MMP25: variants seen among roughly 807,000 people sequenced by gnomAD.
MMP25 encodes the protein matrix metalloproteinase-25.
A neutral mutation model predicts 62.1 loss-of-function variants in MMP25; 68 were observed. The ratio of observed to expected loss-of-function variants is 1.10; its 90% CI spans 0.90 to 1.34. MMP25 has a LOEUF of 1.34. Among genes scored for constraint, MMP25 ranks in the 40% most tolerant of loss-of-function variants. MMP25 has a pLI of 0.00. For synonymous variants in MMP25, 407 were observed against 345.6 expected (o/e 1.18, Z -1.97); for missense variants, 942 against 792.5 (o/e 1.19, Z -2.26).
intron 4 of MMP25, chr16:3,055,904 G>T (rs757917240): frequency 6.6e-6 from 3 of 455,604 alleles, no homozygotes; most frequent in Admixed American, 4.7e-5. Context: ...GCCGGGGCTG[G>T]CGTGTGAATC....
intron 3 of MMP25, 26 bp from the exon 4 acceptor site, chr16:3,050,228 C>G: frequency 1.3e-6 from 2 of 1,580,024 alleles, no homozygotes. Context: ...CACGGCCACC[C>G]TTACACCTCA....
At position 3,057,219 on chromosome 16, in the gene MMP25, G is replaced by A; in HGVS notation, c.838+10G>A. 6.2e-7 allele frequency: 1 copy of A among 1,613,324 alleles called. No individual in the cohort carries two copies. On this transcript the variant is annotated intron_variant, in intron 5 of 9. Transcript: ENST00000336577. ...CTGCAGCAACTCTATGGTAGGGGGA[G>A]AGGGACCTGCCGCGAAACCATCATT...
At position 3,050,329 on chromosome 16, in the gene MMP25, C is replaced by T. The variant is rs776311943; in HGVS notation, c.444C>T (p.Ala148=). ...VRVLMSYALM[A]WGMESGLTFH... Reference sequence around the variant, plus strand: ...TCCTCATGAGCTATGCCCTGATGGCCTGGGGCATGGAGTCAGGCCTCACAT... The same window carrying T: ...TCCTCATGAGCTATGCCCTGATGGCTTGGGGCATGGAGTCAGGCCTCACAT... The change falls in exon 4 of 10, where the codon GCC becomes GCT. Residue 148 remains alanine, a synonymous_variant. Coordinates refer to ENST00000336577, the MANE Select transcript of MMP25 (RefSeq NM_022468.5). The T allele has an allele frequency of 1.2e-6, 2 of 1,614,004 alleles. No individual in the cohort carries two copies. The highest frequency in any genetic ancestry group is 2.2e-5 in the South Asian group (2 of 91,070).
Position 3,057,592 on chromosome 16 carries a change from G to C in MMP25, c.985G>C (p.Gly329Arg), listed in dbSNP as rs774389844. ...GNFDAIANIR[G>R]ETFFFKGPWF... ...TTTTGACGCCATCGCCAACATCCGA[G>C]GGGAAACTTTCTTCTTCAAAGGTGA... The change falls in exon 7 of 10, where the codon GGG (glycine) becomes CGG (arginine). Residue 329 changes from glycine (G) to arginine (R), a missense_variant. Coordinates refer to ENST00000336577, the MANE Select transcript of MMP25 (RefSeq NM_022468.5). 2.5e-6 allele frequency: 4 copies of C among 1,614,174 alleles called. No individual in the cohort carries two copies. In the Admixed American group the frequency reaches 6.7e-5, roughly 27 times the overall value.
At position 3,059,141 on chromosome 16, in the gene MMP25, GT is replaced by G; in HGVS notation, c.*44del. 2.7e-6 allele frequency: 4 copies of G among 1,477,086 alleles called. No individual in the cohort carries two copies. Among genetic ancestry groups the G allele is most frequent in the Non-Finnish European group, 3.6e-6 (4 of 1,108,138 alleles). 91.5% of individuals were successfully genotyped at this position (1,477,086 alleles called of 1,614,324 possible). Reference sequence around the variant, plus strand: ...ACCGAACAGCGCCCTCCACGGCCGAGTCCCCCGCCGCTGGACCTGGTCGGGG... The same window carrying G: ...ACCGAACAGCGCCCTCCACGGCCGAGCCCCCGCCGCTGGACCTGGTCGGGG... On this transcript the variant is annotated 3_prime_UTR_variant, in exon 10 of 10. Coordinates refer to ENST00000336577, the MANE Select transcript of MMP25 (RefSeq NM_022468.5).
chr16:3,050,791 G>GT (rs984114724), intron 4 of MMP25, among the ~76,000 whole-genome samples: 13 of 151,688 alleles, frequency 8.6e-5, no homozygotes, highest in Admixed American at 2.6e-4. Flanking sequence ...TTTTTTGTTT[G>GT]TTTTTTTTAC....
intron 5 of MMP25, 31 bp from the exon 6 acceptor site, chr16:3,057,279 G>T: frequency 2.5e-6 from 4 of 1,613,994 alleles, no homozygotes; most frequent in Non-Finnish European, 3.4e-6. Flanking sequence ...AGGGCCAGGG[G>T]ACGCACACCT....
chr16:3,056,001 G>A (rs1956001504), intron 4 of MMP25: 1 of 453,468 alleles, frequency 2.2e-6, no homozygotes, highest in African/African-American at 2.0e-5. Context: ...CCGGCAGGCT[G>A]TGTTCTGAGA....
rs143151689 is a variant in MMP25 at position 3,058,238 on chromosome 16, G to A, written c.1064G>A (p.Arg355Gln). The A allele has an allele frequency of 1.1e-4, 182 of 1,612,046 alleles. No individual in the cohort carries two copies. Among genetic ancestry groups the A allele is most frequent in the South Asian group, 3.0e-4 (27 of 90,814 alleles). Residue 355 changes from arginine to glutamine, a missense_variant, in exon 8 of 10, where the codon CGG becomes CAG. Physicochemically the swap from Arg to Gln is conservative, Grantham distance 43. Coordinates refer to ENST00000336577, the MANE Select transcript of MMP25 (RefSeq NM_022468.5). ...SGQLVSPRPA[R>Q]LHRFWEGLPA... ...CAGCTGGTGTCCCCGCGACCCGCAC[G>A]GCTGCACCGCTTCTGGGAGGGGCTG... is the stretch of plus-strand genomic sequence containing the variant.
Position 3,058,213 on chromosome 16 carries a change from C to A in MMP25, c.1039C>A (p.Gln347Lys). The A allele has an allele frequency of 1.2e-6, 2 of 1,612,790 alleles. No individual in the cohort carries two copies. The highest frequency in any genetic ancestry group is 1.7e-6 in the Non-Finnish European group (2 of 1,179,504). The change falls in exon 8 of 10, where the codon CAG (glutamine) becomes AAG (lysine). Residue 347 changes from glutamine to lysine, a missense_variant. Transcript: ENST00000336577. ...GTTCTGGCGCCTCCAGCCCTCCGGA[C>A]AGCTGGTGTCCCCGCGACCCGCACG... The part of the protein sequence containing the change: ...PWFWRLQPSG[Q>K]LVSPRPARLH...
In MMP25 at chr16:3,047,493, G is replaced by C. The variant is rs770628753; in HGVS notation, c.178G>C (p.Asp60His). Reference sequence around the variant, plus strand: ...GCTGCAGAGCCCTGAGAAGTTGCGCGATGCCATCAAAGTCATGCAGAGGTT... The same window carrying C: ...GCTGCAGAGCCCTGAGAAGTTGCGCCATGCCATCAAAGTCATGCAGAGGTT... ...AQLQSPEKLRDAIKVMQRFAG... is the reference protein window; with the variant it reads ...AQLQSPEKLRHAIKVMQRFAG... Residue 60 changes from aspartate to histidine, a missense_variant, in exon 2 of 10, where the codon GAT becomes CAT. Coordinates refer to ENST00000336577, the MANE Select transcript of MMP25 (RefSeq NM_022468.5). 1.2e-6 allele frequency: 2 copies of C among 1,613,874 alleles called. No homozygotes were observed. The highest frequency in any genetic ancestry group is 4.5e-5 in the East Asian group (2 of 44,874).
At chr16:3,053,545 C>T (rs570213145) in intron 4 of MMP25, 34 of 152,360 alleles carry the variant, frequency 2.2e-4, no homozygotes, top group African/African-American at 8.2e-4. Context: ...GGGCCGCATA[C>T]TGTGCATTGT....
At chr16:3,053,915 G>A (rs1274039305) in intron 4 of MMP25, 1 of 151,948 alleles carries the variant, frequency 6.6e-6, no homozygotes, top group African/African-American at 2.4e-5. Flanking sequence ...GGTGTGAGAG[G>A]AGCGGGGGAA....
At chr16:3,049,769 T>G (rs1485525747) in intron 2 of MMP25, among the ~76,000 whole-genome samples, 2 of 152,194 alleles carry the variant, frequency 1.3e-5, no homozygotes, top group African/African-American at 4.8e-5. Flanking sequence ...ATCACCTGCA[T>G]GCAGCCAGTT....
intron 2 of MMP25, among the ~76,000 whole-genome samples, chr16:3,048,614 T>C (rs1955854355): frequency 6.6e-6 from 1 of 151,866 alleles, no homozygotes; most frequent in Admixed American, 6.6e-5. Context: ...AAGAAGAGTG[T>C]CCCGGGCAAG....
intron 7 of MMP25, 170 bp from the exon 8 acceptor site, chr16:3,058,011 T>G: frequency 2.7e-6 from 2 of 749,536 alleles, no homozygotes; most frequent in Non-Finnish European, 4.2e-6. Flanking sequence ...CCCTGGCACT[T>G]TTAGCGCTAA....
chr16:3,050,368 T>C lies in MMP25; in HGVS notation c.483T>C (p.Asp161=), dbSNP rs550602066. The C allele has an allele frequency of 1.8e-5, 29 of 1,613,968 alleles. No homozygotes were observed. The South Asian group carries it at 2.2e-4, about 12-fold the overall frequency. Residue 161 remains aspartate (D), a synonymous_variant, in exon 4 of 10, where the codon GAT becomes GAC. Coordinates refer to ENST00000336577, the MANE Select transcript of MMP25 (RefSeq NM_022468.5). ...CAGGCCTCACATTTCATGAGGTGGA[T>C]TCCCCCCAGGGCCAGGAGCCCGACA... The part of the protein sequence containing the change: ...MESGLTFHEV[D]SPQGQEPDIL...
Position 3,046,893 on chromosome 16 carries a change from C to A in MMP25, c.-25C>A. On this transcript the variant is annotated 5_prime_UTR_variant, in exon 1 of 10. Coordinates refer to ENST00000336577, the MANE Select transcript of MMP25 (RefSeq NM_022468.5). ...CCAGCCAGGCCCCCTTCGAACCCCG[C>A]CGGCGGCCCGGGCTGGGGCGCACCA... The A allele has an allele frequency of 7.3e-7, 1 of 1,360,644 alleles. No homozygotes were observed. Among genetic ancestry groups the A allele is most frequent in the Non-Finnish European group, 9.5e-7 (1 of 1,052,962 alleles). 84.3% of individuals were successfully genotyped at this position (1,360,644 alleles called of 1,614,324 possible). A position where few individuals can be genotyped will look rare whatever the true frequency, so the allele number is the denominator to read the frequency against.
Position 3,059,571 on chromosome 16 carries a change from A to C in MMP25, c.*473A>C. On this transcript the variant is annotated 3_prime_UTR_variant, in exon 10 of 10. Transcript: ENST00000336577. ...GCTTTTCTCGGAGCGCAGTCCTGGG[A>C]CTCTCCGCAGCCCCGCCCCGCCTGG... The C allele has an allele frequency of 6.6e-6, 1 of 152,492 alleles. No individual in the cohort carries two copies. Among genetic ancestry groups the C allele is most frequent in the Non-Finnish European group, 1.5e-5 (1 of 68,864 alleles). The allele number at this position is 152,492 out of a possible 1,614,324, so 9.4% of individuals were successfully genotyped here. A position where few individuals can be genotyped will look rare whatever the true frequency, so the allele number is the denominator to read the frequency against.
Sources: allele counts gnomAD v4.1 joint callset (sites outside exome capture counted in the v4.1 genomes callset), GRCh38; gene constraint gnomAD v4.1.1; transcripts MANE v1.5; gene names NCBI Gene and HGNC (gene_info 2026-07-23, HGNC 2026-07-21).